NR2F1-AS1: variants seen among roughly 807,000 people sequenced by gnomAD.
The protein encoded by NR2F1-AS1 is NR2F1 antisense RNA 1.
intron 4 of NR2F1-AS1, among the ~76,000 whole-genome samples, chr5:93,497,459 C>T (rs984399272): frequency 7.2e-5 from 11 of 152,138 alleles, no homozygotes; most frequent in South Asian, 2.1e-4. Context: ...AGACATGCTC[C>T]GGTTTTCAAC....
At chr5:93,439,455 C>T (rs1236334125) in intron 4 of NR2F1-AS1, among the ~76,000 whole-genome samples, 8 of 152,108 alleles carry the variant, frequency 5.3e-5, no homozygotes, top group Admixed American at 1.3e-4. Context: ...CTACCTCGCC[C>T]GGCTAATTTT....
At position 93,536,745 on chromosome 5, in the gene NR2F1-AS1, G is replaced by T. The variant is rs559518095; in HGVS notation, n.638+17016C>A. On this transcript the variant is annotated intron_variant and non_coding_transcript_variant, in intron 4 of 5. Transcript: ENST00000660523. The stretch of plus-strand genomic sequence containing the variant: ...ACTGAATATCCATATGTAGAAGAAT[G>T]AGAATAGATATCTACCTCTCATTGA... 5.3e-5 allele frequency among the ~76,000 whole-genome samples: 8 copies of T among 152,316 alleles called. No individual in the cohort carries two copies. In the South Asian group the frequency reaches 1.7e-3, roughly 32 times the overall value.
chr5:93,436,221 A>G (rs1375783087), intron 4 of NR2F1-AS1, among the ~76,000 whole-genome samples: 1 of 152,220 alleles, frequency 6.6e-6, no homozygotes, highest in Non-Finnish European at 1.5e-5. Context: ...CCCTCAACAA[A>G]CAATCACAGA....
At chr5:93,583,807 CCTTTTTT>C (rs1458398440), upstream of NR2F1-AS1, 1 of 152,174 alleles carries the variant, frequency 6.6e-6, no homozygotes, top group African/African-American at 2.4e-5. Flanking sequence ...TTTCCTTTTT[CCTTTTTT>C]TGGCAATTAT....
intron 4 of NR2F1-AS1, among the ~76,000 whole-genome samples, chr5:93,426,825 G>C (rs1749205016): frequency 6.6e-6 from 1 of 152,130 alleles, no homozygotes; most frequent in Admixed American, 6.5e-5. Flanking sequence ...ACTGAGAGCT[G>C]GGCTTGTGGC....
At chr5:93,474,900 C>G (rs1750447220) in intron 4 of NR2F1-AS1, among the ~76,000 whole-genome samples, 1 of 152,086 alleles carries the variant, frequency 6.6e-6, no homozygotes, top group African/African-American at 2.4e-5. Flanking sequence ...CCGAGGCAGG[C>G]AGATCACAAG....
At chr5:93,546,948 C>A (rs989579735) in intron 4 of NR2F1-AS1, among the ~76,000 whole-genome samples, 1 of 152,126 alleles carries the variant, frequency 6.6e-6, no homozygotes, top group African/African-American at 2.4e-5. Flanking sequence ...GTGAGTGGAT[C>A]TTATCCCATG....
chr5:93,575,834 G>A (rs1419610008), intron 1 of NR2F1-AS1, among the ~76,000 whole-genome samples: 1 of 152,140 alleles, frequency 6.6e-6, no homozygotes, highest in African/African-American at 2.4e-5. Flanking sequence ...TTCTAAGGTA[G>A]ACGTGTGTGC....
At chr5:93,473,078 T>A (rs61324921) in intron 4 of NR2F1-AS1, among the ~76,000 whole-genome samples, 15,508 of 151,834 alleles carry the variant, frequency 0.1, 863 homozygotes, top group Middle Eastern at 0.16. Context: ...TTCAAATATT[T>A]TTGTTGCTGC....
chr5:93,534,067 C>T (rs569562669), intron 4 of NR2F1-AS1, among the ~76,000 whole-genome samples: 1 of 152,058 alleles, frequency 6.6e-6, no homozygotes, highest in African/African-American at 2.4e-5. Flanking sequence ...GGGGAACGAG[C>T]GAGTGTCACA....
chr5:93,431,075 G>A (rs879641033), intron 4 of NR2F1-AS1, among the ~76,000 whole-genome samples: 30 of 152,148 alleles, frequency 2.0e-4, no homozygotes, highest in African/African-American at 6.5e-4. Context: ...TTTTTCACTC[G>A]TAATGATGTC....
At chr5:93,553,554 A>G (rs1752281285) in intron 4 of NR2F1-AS1, among the ~76,000 whole-genome samples, 1 of 152,242 alleles carries the variant, frequency 6.6e-6, no homozygotes, top group Non-Finnish European at 1.5e-5. Context: ...AAGTATATTC[A>G]CAGATAACAA....
chr5:93,550,683 C>T (rs1422163), intron 4 of NR2F1-AS1, among the ~76,000 whole-genome samples: 36 of 152,238 alleles, frequency 2.4e-4, no homozygotes, highest in African/African-American at 8.7e-4. Flanking sequence ...AATCCGAAGG[C>T]AGGAATTACA....
chr5:93,576,410 G>C (rs1752895726), intron 1 of NR2F1-AS1, among the ~76,000 whole-genome samples: 1 of 150,318 alleles, frequency 6.7e-6, no homozygotes, highest in South Asian at 2.1e-4. Flanking sequence ...GCTTATATCA[G>C]TGGTGTCCTA....
chr5:93,472,152 T>C (rs1333076848), intron 4 of NR2F1-AS1, among the ~76,000 whole-genome samples: 1 of 151,846 alleles, frequency 6.6e-6, no homozygotes, highest in East Asian at 1.9e-4. Context: ...AGCCTTTTCA[T>C]ATGCAGAATC....
At chr5:93,520,995 C>A (rs1751489399) in intron 4 of NR2F1-AS1, among the ~76,000 whole-genome samples, 1 of 152,066 alleles carries the variant, frequency 6.6e-6, no homozygotes, top group Admixed American at 6.6e-5. Flanking sequence ...GTATACAAAA[C>A]AACATGGTAC....
At chr5:93,564,012 G>A (rs1047334805) in intron 1 of NR2F1-AS1, among the ~76,000 whole-genome samples, 12 of 146,480 alleles carry the variant, frequency 8.2e-5, no homozygotes, top group African/African-American at 3.0e-4. Context: ...TGAGAAAAGA[G>A]AAAGGCGTGA....
At chr5:93,512,988 T>C (rs1468208103) in intron 4 of NR2F1-AS1, among the ~76,000 whole-genome samples, 1 of 152,150 alleles carries the variant, frequency 6.6e-6, no homozygotes, top group Non-Finnish European at 1.5e-5. Context: ...GTTCTGTTTC[T>C]CTTGAGAACT....
At chr5:93,554,364 T>C (rs938470358) in intron 3 of NR2F1-AS1, among the ~76,000 whole-genome samples, 1 of 152,166 alleles carries the variant, frequency 6.6e-6, no homozygotes, top group Non-Finnish European at 1.5e-5. Context: ...CCATTTTTTA[T>C]GAAGAAAAAA....
Sources: gnomAD v4.1 joint callset for allele counts (sites outside exome capture counted in the v4.1 genomes callset) on GRCh38, gnomAD v4.1.1 for gene constraint, MANE v1.5 for transcripts, NCBI Gene and HGNC (gene_info 2026-07-23, HGNC 2026-07-21) for gene names.